Variants in GRID2 observed in about 807,000 individuals in gnomAD.
GRID2 encodes the protein glutamate receptor ionotropic, delta-2.
In GRID2, 33 loss-of-function variants were observed where a neutral mutation model predicts 114.8. That is an observed-to-expected ratio of 0.29 (90% CI 0.22 to 0.38). The LOEUF (loss-of-function observed/expected upper bound fraction) is 0.38, where lower values mean the gene tolerates loss of function less well. Among genes scored for constraint, GRID2 ranks in the 10% least tolerant of loss-of-function variants. The pLI, the probability that GRID2 is intolerant of heterozygous loss-of-function variation, is 1.00. For synonymous variants in GRID2, 505 were observed against 449.9 expected (o/e 1.12, Z -1.55); for missense variants, 1,184 against 1,257.7 (o/e 0.94, Z 0.89).
intron 13 of GRID2, among the ~76,000 whole-genome samples, chr4:93,541,481 A>G (rs542409330): frequency 4.3e-4 from 66 of 152,252 alleles, no homozygotes; most frequent in Non-Finnish European, 6.9e-4. Flanking sequence ...ATTTGTCAGG[A>G]AAAGAAAAAT....
At chr4:93,781,498 G>GCCA (rs1734478198) in intron 1 of GRID2, among the ~76,000 whole-genome samples, 1 of 152,124 alleles carries the variant, frequency 6.6e-6, no homozygotes, top group South Asian at 2.1e-4. Flanking sequence ...TTCTTCATTT[G>GCCA]CAGTGGGTCC....
intron 15 of GRID2, among the ~76,000 whole-genome samples, chr4:93,771,606 C>A (rs2110339694): frequency 6.6e-6 from 1 of 152,242 alleles, no homozygotes; most frequent in African/African-American, 2.4e-5. Context: ...CTTACTATAT[C>A]ATTTTTTTCA....
intron 1 of GRID2, among the ~76,000 whole-genome samples, chr4:92,371,353 C>G (rs904096480): frequency 2.0e-5 from 3 of 152,124 alleles, no homozygotes; most frequent in Non-Finnish European, 2.9e-5. Flanking sequence ...AGAGAGAAGT[C>G]ACTTCCTAGC....
intron 14 of GRID2, among the ~76,000 whole-genome samples, chr4:93,672,968 T>C (rs1364468237): frequency 6.6e-6 from 1 of 152,248 alleles, no homozygotes; most frequent in Non-Finnish European, 1.5e-5. Flanking sequence ...ATTGAATCTC[T>C]GTAATGATTT....
intron 14 of GRID2, among the ~76,000 whole-genome samples, chr4:93,667,385 TCTC>T (rs920461951): frequency 5.4e-5 from 8 of 148,230 alleles, no homozygotes; most frequent in African/African-American, 2.1e-4. Context: ...ATTCTCTCTC[TCTC>T]TTTTTTTTTT....
intron 1 of GRID2, among the ~76,000 whole-genome samples, chr4:92,577,276 A>G (rs1248815084): frequency 1.3e-5 from 2 of 152,198 alleles, no homozygotes; most frequent in Non-Finnish European, 2.9e-5. Context: ...GATTTCTCAT[A>G]TAGAGTATAC....
chr4:93,450,854 G>T (rs890286188), intron 10 of GRID2, among the ~76,000 whole-genome samples: 2 of 151,558 alleles, frequency 1.3e-5, no homozygotes, highest in African/African-American at 4.8e-5. Context: ...AATTATCTTA[G>T]CTATTTGCAA....
chr4:93,107,318 T>G (rs1732332296), intron 3 of GRID2, among the ~76,000 whole-genome samples: 1 of 151,886 alleles, frequency 6.6e-6, no homozygotes, highest in African/African-American at 2.4e-5. Flanking sequence ...TATAAACAAA[T>G]AAATTCTTCA....
intron 2 of GRID2, among the ~76,000 whole-genome samples, chr4:92,849,524 A>T (rs1355988988): frequency 6.6e-6 from 1 of 151,978 alleles, no homozygotes; most frequent in Non-Finnish European, 1.5e-5. Context: ...ACAAAATAGT[A>T]ATTTTAATAA....
chr4:93,575,894 C>G (rs1736376098), intron 13 of GRID2, among the ~76,000 whole-genome samples: 2 of 151,968 alleles, frequency 1.3e-5, no homozygotes, highest in South Asian at 4.2e-4. Flanking sequence ...TTAGTGAAGG[C>G]CTTGATATTT....
intron 2 of GRID2, among the ~76,000 whole-genome samples, chr4:92,760,505 C>A (rs1040055693): frequency 6.6e-6 from 1 of 152,140 alleles, no homozygotes; most frequent in African/African-American, 2.4e-5. Context: ...CCCAGAACTA[C>A]TCTCCACAGC....
chr4:92,344,757 C>A (rs572297410), intron 1 of GRID2, among the ~76,000 whole-genome samples: 5 of 152,108 alleles, frequency 3.3e-5, no homozygotes, highest in South Asian at 4.2e-4. Context: ...GGTGAATGTC[C>A]CAAAGAGATA....
intron 2 of GRID2, among the ~76,000 whole-genome samples, chr4:92,831,424 C>T (rs1322895234): frequency 1.3e-5 from 2 of 151,228 alleles, no homozygotes; most frequent in African/African-American, 2.4e-5. Context: ...GATTGGAGAT[C>T]CAGCTGTAGT....
intron 8 of GRID2, among the ~76,000 whole-genome samples, chr4:93,264,795 A>AT (rs1239168760): frequency 1.5e-4 from 22 of 145,722 alleles, no homozygotes; most frequent in Admixed American, 1.4e-4. Context: ...ATATATATTT[A>AT]TTTTTTGAGA....
At chr4:93,783,522 T>C (rs1734523835) in intron 1 of GRID2, among the ~76,000 whole-genome samples, 1 of 152,132 alleles carries the variant, frequency 6.6e-6, no homozygotes, top group Non-Finnish European at 1.5e-5. Context: ...CTACAAATAT[T>C]TGTAATACAG....
intron 5 of GRID2, 51 bp downstream of exon 5, chr4:93,207,508 A>G (rs775016750): frequency 4.4e-6 from 5 of 1,147,232 alleles, no homozygotes; most frequent in Non-Finnish European, 6.5e-6. Context: ...TTTCACATAT[A>G]TAATTGTAGC....
intron 1 of GRID2, among the ~76,000 whole-genome samples, chr4:92,523,345 AGTT>A (rs1451578078): frequency 6.6e-6 from 1 of 152,016 alleles, no homozygotes; most frequent in Non-Finnish European, 1.5e-5. Context: ...ACCAGTAGAC[AGTT>A]GTAAATATTA....
At chr4:92,403,343 C>G (rs1041984646) in intron 1 of GRID2, among the ~76,000 whole-genome samples, 2 of 152,102 alleles carry the variant, frequency 1.3e-5, no homozygotes, top group East Asian at 3.9e-4. Flanking sequence ...ACCTTTCAGC[C>G]TATCTCAACT....
intron 4 of GRID2, among the ~76,000 whole-genome samples, chr4:93,202,268 T>G (rs1742190591): frequency 6.6e-6 from 1 of 152,174 alleles, no homozygotes; most frequent in Non-Finnish European, 1.5e-5. Flanking sequence ...TCGAAAACTT[T>G]TTGAAATTTT....
Sources: allele counts gnomAD v4.1 joint callset (sites outside exome capture counted in the v4.1 genomes callset), GRCh38; gene constraint gnomAD v4.1.1; transcripts MANE v1.5; gene names NCBI Gene and HGNC (gene_info 2026-07-23, HGNC 2026-07-21).